MRTFB: variants seen among roughly 807,000 people sequenced by gnomAD.
The protein encoded by MRTFB is myocardin-related transcription factor B.
Under a neutral mutation model 104.2 loss-of-function variants are expected in MRTFB, and 29 were observed. The ratio of observed to expected loss-of-function variants is 0.28; its 90% CI spans 0.21 to 0.38. The LOEUF is 0.38. Ranked by LOEUF, MRTFB falls within the 10% of genes least tolerant of loss-of-function variation. The pLI is 1.00. For synonymous variants in MRTFB, 535 were observed against 519.5 expected (o/e 1.03, Z -0.41); for missense variants, 1,270 against 1,341.6 (o/e 0.95, Z 0.83).
the MRTFB span, among the ~76,000 whole-genome samples, chr16:13,995,367 T>C: frequency 6.6e-6 from 1 of 152,162 alleles, no homozygotes; most frequent in East Asian, 1.9e-4. Context: ...ACTTTAAACA[T>C]CTAACCCCAG....
At chr16:14,054,574 C>A in the MRTFB span, among the ~76,000 whole-genome samples, 6,633 of 152,236 alleles carry the variant, frequency 0.044, 212 homozygotes, top group Middle Eastern at 0.068. Flanking sequence ...CCTTTCCTGG[C>A]CTCCTTATTG....
At chr16:14,219,760 A>G (rs2041600871) in intron 8 of MRTFB, among the ~76,000 whole-genome samples, 1 of 152,166 alleles carries the variant, frequency 6.6e-6, no homozygotes, top group South Asian at 2.1e-4. Context: ...ATTTATCACC[A>G]TGATCTGAAA....
At chr16:14,156,192 G>A (rs2038821128) in intron 3 of MRTFB, among the ~76,000 whole-genome samples, 2 of 152,194 alleles carry the variant, frequency 1.3e-5, no homozygotes, top group South Asian at 4.1e-4. Flanking sequence ...CAGTTTTCTA[G>A]TTTCTTATGG....
the MRTFB span, among the ~76,000 whole-genome samples, chr16:14,033,495 C>T: frequency 6.6e-6 from 1 of 151,780 alleles, no homozygotes; most frequent in East Asian, 1.9e-4. Flanking sequence ...GAGCCGTGTT[C>T]GTGCCACTCT....
chr16:14,140,375 A>G (rs865819339), intron 2 of MRTFB, among the ~76,000 whole-genome samples, 169 bp from the exon 3 acceptor site: 3 of 152,166 alleles, frequency 2.0e-5, no homozygotes, highest in Admixed American at 6.5e-5. Flanking sequence ...GGTGGGAAGT[A>G]TGTTATTCCT....
chr16:14,222,756 A>G (rs910031759), intron 8 of MRTFB, among the ~76,000 whole-genome samples: 2 of 152,122 alleles, frequency 1.3e-5, no homozygotes, highest in Admixed American at 1.3e-4. Context: ...TCAAAACCAC[A>G]ATGAGATACC....
At chr16:14,241,769 AAGAG>A (rs1200093464) in intron 10 of MRTFB, among the ~76,000 whole-genome samples, 1 of 152,094 alleles carries the variant, frequency 6.6e-6, no homozygotes, top group Non-Finnish European at 1.5e-5. Context: ...CATGGAGATG[AAGAG>A]AGAAAGAACT....
chr16:14,146,828 C>T (rs2038343167), intron 3 of MRTFB, among the ~76,000 whole-genome samples: 1 of 152,104 alleles, frequency 6.6e-6, no homozygotes, highest in African/African-American at 2.4e-5. Context: ...TTCTTGAGGC[C>T]ATAGGTGAGC....
chr16:14,242,607 A>G (rs1019819532), intron 10 of MRTFB, among the ~76,000 whole-genome samples: 1 of 152,100 alleles, frequency 6.6e-6, no homozygotes, highest in Non-Finnish European at 1.5e-5. Context: ...CAAAGGAGCA[A>G]GCGCCCAAAG....
chr16:14,200,124 T>C, intron 3 of MRTFB: 1 of 643,798 alleles, frequency 1.6e-6, no homozygotes, highest in East Asian at 2.8e-5. Flanking sequence ...CGTGTTCCAT[T>C]ATTAGAAATT....
At chr16:14,049,235 G>T in the MRTFB span, among the ~76,000 whole-genome samples, 1 of 152,192 alleles carries the variant, frequency 6.6e-6, no homozygotes, top group Non-Finnish European at 1.5e-5. Flanking sequence ...CTACATGCCA[G>T]TTCTATGACG....
chr16:14,190,083 G>A (rs948027829), intron 3 of MRTFB, among the ~76,000 whole-genome samples: 3 of 152,162 alleles, frequency 2.0e-5, no homozygotes, highest in East Asian at 1.9e-4. Flanking sequence ...GGATAATAAA[G>A]CATATCATCT....
Position 14,218,810 on chromosome 16 carries a change from C to A in MRTFB, c.515-10C>A. The A allele has an allele frequency of 6.4e-7, 1 of 1,573,254 alleles. No homozygotes were observed. Among genetic ancestry groups the A allele is most frequent in the Non-Finnish European group, 8.7e-7 (1 of 1,153,928 alleles). ...ACATAAGTCAAGTCAAAAATCATTT[C>A]TTTCTTTAGGCGTTGGGAAGGAGGA... On this transcript the variant is annotated splice_polypyrimidine_tract_variant and intron_variant, in intron 7 of 16. Transcript: ENST00000571589.
At chr16:14,121,008 A>G (rs931469546) in intron 2 of MRTFB, among the ~76,000 whole-genome samples, 2 of 152,154 alleles carry the variant, frequency 1.3e-5, no homozygotes, top group African/African-American at 2.4e-5. Context: ...ATATATATGT[A>G]TAGTATATTT....
intron 3 of MRTFB, among the ~76,000 whole-genome samples, chr16:14,194,117 G>C (rs1042117085): frequency 5.3e-5 from 8 of 152,158 alleles, no homozygotes; most frequent in Non-Finnish European, 1.2e-4. Flanking sequence ...GCTTTATCAG[G>C]GTTTTTTAGC....
the MRTFB span, among the ~76,000 whole-genome samples, chr16:14,012,712 T>C: frequency 9.2e-5 from 14 of 152,234 alleles, no homozygotes; most frequent in African/African-American, 3.4e-4. Context: ...TTAAGCAATG[T>C]ATGAACGTTT....
chr16:14,233,721 C>A (rs2042367053), intron 8 of MRTFB, among the ~76,000 whole-genome samples: 1 of 139,982 alleles, frequency 7.1e-6, no homozygotes, highest in Non-Finnish European at 1.5e-5. Context: ...ACCCAGGAGG[C>A]AGAGGTTGCA....
Position 14,080,246 on chromosome 16 carries a change from C to T in MRTFB, c.-64+892C>T, listed in dbSNP as rs542529417. On this transcript the variant is annotated intron_variant, in intron 2 of 16. Transcript: ENST00000571589. ...GCTTACCTGTCCTCTAAAGAGACTA[C>T]CAGTTTATAACCCCCCTCAGAATCC... 1.3e-4 allele frequency among the ~76,000 whole-genome samples: 20 copies of T among 152,302 alleles called. 1 individual carries two copies. The South Asian group carries it at 3.5e-3, about 27-fold the overall frequency.
chr16:14,008,424 G>C, the MRTFB span, among the ~76,000 whole-genome samples: 1 of 152,162 alleles, frequency 6.6e-6, no homozygotes, highest in African/African-American at 2.4e-5. Flanking sequence ...TTTGAATGTA[G>C]CTACTCCGTT....
Sources: gnomAD v4.1 joint callset for allele counts (sites outside exome capture counted in the v4.1 genomes callset) on GRCh38, gnomAD v4.1.1 for gene constraint, MANE v1.5 for transcripts, NCBI Gene and HGNC (gene_info 2026-07-23, HGNC 2026-07-21) for gene names.